ZNF91: variants seen among roughly 807,000 people sequenced by gnomAD.
The protein encoded by ZNF91 is zinc finger protein 91.
ZNF91 carries 7 observed loss-of-function variants against 12.6 expected under a neutral mutation model. That is an observed-to-expected ratio of 0.55 (90% CI 0.31 to 1.04). The LOEUF (loss-of-function observed/expected upper bound fraction) is 1.04, where lower values mean the gene tolerates loss of function less well. Ranked by LOEUF, ZNF91 falls within the 50% of genes least tolerant of loss-of-function variation. The probability of loss-of-function intolerance (pLI) is 0.05; values close to 1 mark genes in which losing one functional copy is unlikely to be tolerated. For missense variants in ZNF91, 1,217 were observed against 1,385.4 expected (o/e 0.88, Z 1.93); for synonymous variants, 453 against 462.6 (o/e 0.98, Z 0.27).
At chr19:23,323,933 C>G (rs1459388188) in intron 1 of ZNF91, 1 of 143,370 alleles carries the variant, frequency 7.0e-6, no homozygotes, top group East Asian at 2.0e-4. Context: ...CCTCCTCCTT[C>G]TCTTCTCCTT....
Position 23,361,962 on chromosome 19 carries a change from T to C in ZNF91, c.1017A>G (p.Lys339=), listed in dbSNP as rs1333386443. The part of the protein sequence containing the change: ...KAFSRSSTLA[K]HKRIHTGEKP... ...TCTCTCCAGTATGAATTCTCTTATGTTTAGCAAGGGTTGAAGAACGGCTAA... is the reference window on the plus strand; with the variant it reads ...TCTCTCCAGTATGAATTCTCTTATGCTTAGCAAGGGTTGAAGAACGGCTAA... Residue 339 remains lysine (K), a synonymous_variant, in exon 4 of 4, where the codon AAA becomes AAG. Coordinates refer to ENST00000300619, the MANE Select transcript of ZNF91 (RefSeq NM_003430.4). 3 of 1,612,870 alleles carry C rather than the reference T, an allele frequency of 1.9e-6. No individual in the cohort carries two copies. Among genetic ancestry groups the C allele is most frequent in the Non-Finnish European group, 2.5e-6 (3 of 1,179,374 alleles).
At chr19:23,384,891 C>CT in intron 1 of ZNF91, 1 of 763,596 alleles carries the variant, frequency 1.3e-6, no homozygotes, top group South Asian at 1.4e-5. Flanking sequence ...TCATGTTGCT[C>CT]TTATTGTCAC....
chr19:23,344,536 T>C (rs1191593772), intron 3 of ZNF91, among the ~76,000 whole-genome samples: 1 of 152,252 alleles, frequency 6.6e-6, no homozygotes, highest in Non-Finnish European at 1.5e-5. Context: ...CACATTTCTT[T>C]GAATTAATTC....
At chr19:23,385,021 G>A in intron 1 of ZNF91, 4 of 1,225,632 alleles carry the variant, frequency 3.3e-6, no homozygotes, top group Non-Finnish European at 4.8e-6. Context: ...GAACGGGACA[G>A]TCCACCAGGG....
Position 23,373,742 on chromosome 19 carries a change from C to G in ZNF91, c.253G>C (p.Gly85Arg), listed in dbSNP as rs1465965381. 1 of 1,608,378 alleles carries G rather than the reference C, an allele frequency of 6.2e-7. No homozygotes were observed. Among genetic ancestry groups the G allele is most frequent in the Non-Finnish European group, 8.5e-7 (1 of 1,176,896 alleles). ...KQHEMVDEPT[G>R]ICPHFPQDFW... ...GTCTGTTGTATTCACTCTCACCTAC[C>G]TGTGGGTTCATCCACCATCTCATGT... The change falls in exon 3 of 4, where the codon GGT (glycine) becomes CGT (arginine). Residue 85 changes from glycine (G) to arginine (R), a missense_variant and splice_region_variant. Coordinates refer to ENST00000300619, the MANE Select transcript of ZNF91 (RefSeq NM_003430.4).
chr19:23,312,348 A>T (rs1277711897), upstream of ZNF91, among the ~76,000 whole-genome samples: 1 of 152,204 alleles, frequency 6.6e-6, no homozygotes, highest in African/African-American at 2.4e-5. Context: ...AATATGAAAG[A>T]TACTATCTCT....
In ZNF91 at chr19:23,359,364, A is replaced by T. The variant is rs777707589; in HGVS notation, c.*39T>A. On this transcript the variant is annotated 3_prime_UTR_variant, in exon 4 of 4. Transcript: ENST00000300619. ...CAGCCTCTCGCATAGCTGGGACTAC[A>T]GGCGCCCGCCACCACGCCCGGCTAA... The T allele has an allele frequency of 1.1e-4, 73 of 692,566 alleles. No individual in the cohort carries two copies. The highest frequency in any genetic ancestry group is 1.6e-4 in the Non-Finnish European group (68 of 419,068). The allele number at this position is 692,566 out of a possible 1,614,324, so 42.9% of individuals were successfully genotyped here.
intron 1 of ZNF91, among the ~76,000 whole-genome samples, chr19:23,330,288 G>A (rs1292421811): frequency 1.3e-5 from 2 of 151,600 alleles, no homozygotes; most frequent in Non-Finnish European, 2.9e-5. Flanking sequence ...CCGAGATTGT[G>A]CCACTGCACT....
At chr19:23,388,178 G>A (rs1005600404) in intron 1 of ZNF91, among the ~76,000 whole-genome samples, 3 of 151,774 alleles carry the variant, frequency 2.0e-5, no homozygotes, top group Admixed American at 1.3e-4. Context: ...CCCGAGAGGC[G>A]GAGGTTGCAG....
intron 1 of ZNF91, among the ~76,000 whole-genome samples, chr19:23,323,604 CCTCCTCCTTTT>C (rs1012554341): frequency 3.5e-5 from 5 of 142,380 alleles, no homozygotes; most frequent in African/African-American, 1.4e-4. Flanking sequence ...TCCTTCTTTT[CCTCCTCCTTTT>C]CTCTTCTCCT....
intron 1 of ZNF91, among the ~76,000 whole-genome samples, chr19:23,392,097 G>A (rs966101943): frequency 2.2e-4 from 34 of 151,916 alleles, no homozygotes; most frequent in African/African-American, 7.7e-4. Context: ...CAAAAATCAC[G>A]TAGCAAACAA....
chr19:23,393,260 G>A (rs935703603), intron 1 of ZNF91, among the ~76,000 whole-genome samples: 1 of 152,034 alleles, frequency 6.6e-6, no homozygotes. Flanking sequence ...CAATATTAAT[G>A]TCTCAAGGAA....
chr19:23,344,214 C>A (rs147895580), intron 3 of ZNF91, among the ~76,000 whole-genome samples: 2,837 of 152,224 alleles, frequency 0.019, 51 homozygotes, highest in Middle Eastern at 0.051. Context: ...TCTACCTCAG[C>A]CTCCCGAGTA....
rs1242617092 is a variant in ZNF91 at position 23,359,467 on chromosome 19, C to T, written c.3512G>A (p.Gly1171Asp). ...VIPLLWEAEA[G>D]GSRGQEMETI... ...CTCCATCTCCTGACCTCGTGATCCGCCCGCCTCGGCCTCCCAAAGTAGTGG... is the reference window on the plus strand; with the variant it reads ...CTCCATCTCCTGACCTCGTGATCCGTCCGCCTCGGCCTCCCAAAGTAGTGG... Residue 1171 changes from glycine (G) to aspartate (D), a missense_variant, in exon 4 of 4, where the codon GGC (glycine) becomes GAC (aspartate). Coordinates refer to ENST00000300619, the MANE Select transcript of ZNF91 (RefSeq NM_003430.4). 1 of 1,586,684 alleles carries T rather than the reference C, an allele frequency of 6.3e-7. No homozygotes were observed. Among genetic ancestry groups the T allele is most frequent in the South Asian group, 1.1e-5 (1 of 90,314 alleles).
chr19:23,305,266 A>G (rs1967382903), intron 3 of ZNF91: 1 of 152,176 alleles, frequency 6.6e-6, no homozygotes, highest in African/African-American at 2.4e-5. Flanking sequence ...ATTTATGAGT[A>G]TGTCTTATAA....
At chr19:23,382,650 C>T (rs1969758893) in intron 1 of ZNF91, among the ~76,000 whole-genome samples, 1 of 152,134 alleles carries the variant, frequency 6.6e-6, no homozygotes, top group Admixed American at 6.5e-5. Flanking sequence ...ATTCAAAAAT[C>T]TCAAAATTAT....
chr19:23,308,258 T>C (rs1297146184), intron 2 of ZNF91: 5 of 152,106 alleles, frequency 3.3e-5, no homozygotes, highest in Admixed American at 2.0e-4. Flanking sequence ...GACTCTCGTC[T>C]TCTGCCTGCA....
chr19:23,388,830 C>T (rs769576583), intron 1 of ZNF91, among the ~76,000 whole-genome samples: 4 of 147,352 alleles, frequency 2.7e-5, no homozygotes, highest in South Asian at 4.4e-4. Context: ...CCAAAGATCA[C>T]GCCATTGCAC....
At chr19:23,381,626 A>G (rs1969719313) in intron 1 of ZNF91, among the ~76,000 whole-genome samples, 1 of 151,926 alleles carries the variant, frequency 6.6e-6, no homozygotes, top group Admixed American at 6.6e-5. Flanking sequence ...ATGCTCAGCT[A>G]ATTTTGTATT....
Sources: allele counts gnomAD v4.1 joint callset (sites outside exome capture counted in the v4.1 genomes callset), GRCh38; gene constraint gnomAD v4.1.1; transcripts MANE v1.5; gene names NCBI Gene and HGNC (gene_info 2026-07-23, HGNC 2026-07-21).